DNAH8: variants seen among roughly 807,000 people sequenced by gnomAD.
DNAH8 encodes the protein axonemal beta dynein heavy chain 8.
DNAH8 carries 382 observed loss-of-function variants against 562.1 expected under a neutral mutation model. The observed-to-expected ratio is 0.68, with a 90% confidence interval of 0.63 to 0.74. The LOEUF is 0.74. Among genes scored for constraint, DNAH8 ranks in the 30% least tolerant of loss-of-function variants. The pLI is 0.00. For synonymous variants in DNAH8, 1,881 were observed against 1,919.4 expected (o/e 0.98, Z 0.52); for missense variants, 5,203 against 5,620.4 (o/e 0.93, Z 2.37).
chr6:38,758,152 AC>A (rs1249386938), intron 10 of DNAH8, among the ~76,000 whole-genome samples: 4 of 152,090 alleles, frequency 2.6e-5, no homozygotes, highest in Non-Finnish European at 5.9e-5. Context: ...GATTCTTCCT[AC>A]CCATGAGCAT....
chr6:38,887,995 C>T (rs886644612), intron 57 of DNAH8, among the ~76,000 whole-genome samples: 10 of 151,932 alleles, frequency 6.6e-5, no homozygotes, highest in Non-Finnish European at 1.3e-4. Context: ...TGCCACCACA[C>T]CCGGCTAATT....
At chr6:38,719,523 T>C (rs1392093124) in intron 1 of DNAH8, among the ~76,000 whole-genome samples, 2 of 152,220 alleles carry the variant, frequency 1.3e-5, no homozygotes, top group Non-Finnish European at 2.9e-5. Context: ...CTTAGGATAA[T>C]GGCCTCTAGC....
intron 87 of DNAH8, among the ~76,000 whole-genome samples, chr6:38,989,217 G>A (rs1045596701): frequency 3.3e-5 from 5 of 152,190 alleles, no homozygotes; most frequent in African/African-American, 4.8e-5. Flanking sequence ...TTCAGACGTC[G>A]TGCCTGCATT....
Position 38,883,898 on chromosome 6 carries a change from A to T in DNAH8, c.8159A>T (p.Asp2720Val), listed in dbSNP as rs754700266. The T allele has an allele frequency of 3.1e-6, 5 of 1,588,384 alleles. No homozygotes were observed. In the South Asian group the frequency reaches 5.8e-5, roughly 18 times the overall value. Reference sequence around the variant, plus strand: ...TAGAGAACAATTGAAAGCTACGTGGATAAGCGAATTGGAAGCACATATGGG... The same window carrying T: ...TAGAGAACAATTGAAAGCTACGTGGTTAAGCGAATTGGAAGCACATATGGG... ...MFQRTIESYV[D>V]KRIGSTYGPP... Residue 2720 changes from aspartate (D) to valine (V), a missense_variant, in exon 56 of 93, where the codon GAT becomes GTT. Physicochemically the swap from Asp to Val is radical, Grantham distance 152. This residue lies in a region of DNAH8 where 977 missense variants were observed against 1,061.8 expected (regional missense o/e 0.92). Coordinates refer to ENST00000327475, the MANE Select transcript of DNAH8 (RefSeq NM_001206927.2).
Position 38,731,800 on chromosome 6 carries a change from C to T in DNAH8, c.610+1814C>T, listed in dbSNP as rs570386375. Among the ~76,000 whole-genome samples the T allele has an allele frequency of 2.6e-3, 391 of 152,236 alleles. 5 individuals are homozygous for T. The highest frequency in any genetic ancestry group is 3.8e-3 in the Non-Finnish European group (261 of 68,006). On this transcript the variant is annotated intron_variant, in intron 4 of 92. Transcript: ENST00000327475. ...TGCCATCTTGGCTCACTGCAGCCTC[C>T]GCCTCCCGGGTTCAAGTGATTTTCC...
chr6:38,932,049 T>C, intron 76 of DNAH8, 56 bp downstream of exon 76: 12 of 1,290,828 alleles, frequency 9.3e-6, no homozygotes, highest in South Asian at 2.0e-5. Flanking sequence ...TTAAAATGTA[T>C]TGAGAAATTG....
intron 10 of DNAH8, among the ~76,000 whole-genome samples, chr6:38,757,090 C>T (rs1363027248): frequency 3.9e-5 from 6 of 152,058 alleles, no homozygotes; most frequent in Non-Finnish European, 7.4e-5. Flanking sequence ...CCTGAGGAAT[C>T]GCCACACTGA....
chr6:38,787,577 T>G (rs1390473212), intron 18 of DNAH8, among the ~76,000 whole-genome samples: 1 of 150,944 alleles, frequency 6.6e-6, no homozygotes, highest in Non-Finnish European at 1.5e-5. Flanking sequence ...ACGCTTGTAA[T>G]CCCAGCTACT....
chr6:38,918,223 T>A, intron 70 of DNAH8, 83 bp downstream of exon 70: 1 of 1,002,946 alleles, frequency 1.0e-6, no homozygotes, highest in Non-Finnish European at 1.5e-6. Context: ...AGACAATGCG[T>A]AGTTTAGACC....
Position 38,945,553 on chromosome 6 carries a change from A to C in DNAH8, c.12094A>C (p.Ser4032Arg). The change falls in exon 80 of 93, where the codon AGT (serine) becomes CGT (arginine). Residue 4032 changes from serine (S) to arginine (R), a missense_variant. Coordinates refer to ENST00000327475, the MANE Select transcript of DNAH8 (RefSeq NM_001206927.2). ...DMTWLNLVEL[S>R]KLPQFAEIMN... ...GACTTGGCTGAATCTTGTGGAGCTG[A>C]GTAAACTTCCACAATTTGCAGAAAT... The C allele has an allele frequency of 6.2e-7, 1 of 1,614,178 alleles. No individual in the cohort carries two copies. Among genetic ancestry groups the C allele is most frequent in the East Asian group, 2.2e-5 (1 of 44,878 alleles).
intron 20 of DNAH8, 137 bp from the exon 21 acceptor site, chr6:38,791,418 C>CAA: frequency 2.7e-6 from 3 of 1,102,550 alleles, no homozygotes; most frequent in East Asian, 2.8e-5. Flanking sequence ...AAATGTTCAC[C>CAA]AAATTATGCT....
chr6:38,985,722 G>T (rs1764343250), intron 87 of DNAH8, among the ~76,000 whole-genome samples: 1 of 152,232 alleles, frequency 6.6e-6, no homozygotes, highest in Admixed American at 6.5e-5. Context: ...TGGCAACATT[G>T]TGTGTGGAGC....
At chr6:38,822,373 C>T (rs1738211) in intron 26 of DNAH8, 75,422 of 152,654 alleles carry the variant, frequency 0.49, 19,615 homozygotes, top group East Asian at 0.7. Context: ...TGAATATCTA[C>T]AGCGCTGACC....
chr6:38,911,341 G>C (rs1349999548), intron 65 of DNAH8, 127 bp from the exon 66 acceptor site: 3 of 765,910 alleles, frequency 3.9e-6, no homozygotes, highest in Non-Finnish European at 6.9e-6. Flanking sequence ...GAGAAACCTT[G>C]CTCAAGTCCT....
intron 83 of DNAH8, among the ~76,000 whole-genome samples, chr6:38,972,748 G>C (rs1382318461): frequency 1.3e-5 from 2 of 152,192 alleles, no homozygotes; most frequent in Non-Finnish European, 2.9e-5. Context: ...TTGCCGCCTT[G>C]AGGGACACCA....
intron 12 of DNAH8, among the ~76,000 whole-genome samples, chr6:38,774,912 A>G (rs1365597237): frequency 2.6e-5 from 4 of 152,246 alleles, no homozygotes; most frequent in South Asian, 2.1e-4. Context: ...AAGTGTATGG[A>G]AATAGTGGAG....
intron 82 of DNAH8, 89 bp from the exon 83 acceptor site, chr6:38,971,503 A>G: frequency 1.2e-5 from 8 of 679,642 alleles, no homozygotes. Flanking sequence ...CAATAGAAGG[A>G]GGCTATAATC....
rs540097511 is a variant in DNAH8, at chr6:38,819,981, C to G, written c.3524-2857C>G. Among the ~76,000 whole-genome samples the G allele has an allele frequency of 7.2e-5, 11 of 152,236 alleles. No individual in the cohort carries two copies. The East Asian group carries it at 1.7e-3, about 24-fold the overall frequency. On this transcript the variant is annotated intron_variant, in intron 26 of 92. Transcript: ENST00000327475. ...ATGGAAGACAAGAATAAGTCCACATCATGAAGAAGTCAATTCTTTGATTAA... is the reference window on the plus strand; with the variant it reads ...ATGGAAGACAAGAATAAGTCCACATGATGAAGAAGTCAATTCTTTGATTAA...
intron 82 of DNAH8, chr6:38,953,140 T>G (rs1762029467): frequency 1.3e-5 from 2 of 152,178 alleles, no homozygotes; most frequent in African/African-American, 4.8e-5. Context: ...TCAGGGAAAC[T>G]CCTCTTATTG....
Sources: gnomAD v4.1 joint callset for allele counts (sites outside exome capture counted in the v4.1 genomes callset) on GRCh38, gnomAD v4.1.1 for gene constraint, gnomAD v4.1.1 regional missense constraint, MANE v1.5 for transcripts, NCBI Gene and HGNC (gene_info 2026-07-23, HGNC 2026-07-21) for gene names.